Variants in ESYT1 observed in about 807,000 individuals in gnomAD.
ESYT1 encodes extended synaptotagmin 1.
In ESYT1, 116 loss-of-function variants were observed where a neutral mutation model predicts 154.2. That is an observed-to-expected ratio of 0.75 (90% confidence interval 0.65 to 0.88). The LOEUF (loss-of-function observed/expected upper bound fraction) is 0.88. ESYT1 is among the 40% of genes least tolerant of loss of function. ESYT1 has a pLI of 0.00. For synonymous variants in ESYT1, 500 were observed against 539.9 expected, an observed-to-expected ratio of 0.93 and a Z score of 1.02; for missense variants, 1,264 against 1,379.3, an observed-to-expected ratio of 0.92 and a Z score of 1.32.
rs1244232184 is a variant in ESYT1, at chr12:56,136,845, C to T, written c.1734C>T (p.Leu578=). ...TCATCCTGGACCAGTGGTTCCAGCT[C>T]AGCAGCTCTGGTCCAAACTCCAGAC... is the stretch of plus-strand genomic sequence containing the variant. ...PELILDQWFQ[L]SSSGPNSRLY... The change falls in exon 16 of 31, where the codon CTC becomes CTT. Residue 578 remains leucine, a synonymous_variant. Transcript: ENST00000394048. 9 of 1,612,540 alleles carry T rather than the reference C, an allele frequency of 5.6e-6. No individual in the cohort carries two copies. In the East Asian group the frequency reaches 6.7e-5, roughly 12 times the overall value.
At chr12:56,137,970 T>G in intron 19 of ESYT1, 56 bp downstream of exon 19, 1 of 1,610,318 alleles carries the variant, frequency 6.2e-7, no homozygotes, top group Non-Finnish European at 8.5e-7. Context: ...GGCCATGGAG[T>G]CTGGCCTCCT....
Position 56,142,222 on chromosome 12 carries a change from A to T in ESYT1, c.2593-63A>T. 1 of 1,585,180 alleles carries T rather than the reference A, an allele frequency of 6.3e-7. No homozygotes were observed. Among genetic ancestry groups the T allele is most frequent in the Non-Finnish European group, 8.6e-7 (1 of 1,161,518 alleles). On this transcript the variant is annotated intron_variant, in intron 24 of 30. Coordinates refer to ENST00000394048, the MANE Select transcript of ESYT1 (RefSeq NM_015292.3). The surrounding 1 kb of genome is among the most constrained non-coding windows in gnomAD (Gnocchi z 4.1). ...GAGTCCAAGCGTTTGGACCTTTAAAACACCAGGATTAACTCATTTGTTGAT... is the reference window on the plus strand; with the variant it reads ...GAGTCCAAGCGTTTGGACCTTTAAATCACCAGGATTAACTCATTTGTTGAT...
chr12:56,139,722 C>T (rs962365242), intron 24 of ESYT1, among the ~76,000 whole-genome samples: 1 of 151,380 alleles, frequency 6.6e-6, no homozygotes, highest in Non-Finnish European at 1.5e-5. Flanking sequence ...CAGCCTCCCG[C>T]GTACCTGGGA....
Position 56,137,329 on chromosome 12 carries a change from C to CTT in ESYT1, c.1894_1895insTT (p.Pro632LeufsTer24). 1 of 1,614,216 alleles carries CTT rather than the reference C, an allele frequency of 6.2e-7. No individual in the cohort carries two copies. The highest frequency in any genetic ancestry group is 1.3e-5 in the African/African-American group (1 of 75,036). On this transcript the variant is annotated frameshift_variant, in exon 17 of 31. Transcript: ENST00000394048. LOFTEE classifies it high-confidence loss of function. Reference sequence around the variant, plus strand: ...GAGAGGCAGCAGTGTGGATGCCCCACCTCGACCCTGTCACACGACTCCTGA... The same window carrying CTT: ...GAGAGGCAGCAGTGTGGATGCCCCACTTCTCGACCCTGTCACACGACTCCTGA...
chr12:56,143,995 C>A lies in ESYT1; in HGVS notation c.*133C>A, dbSNP rs540079044. ...CCCTTCAGCCCTTTCACCTAACAGG[C>A]CCATATTCGGGCCTTTGCCTGACCA... On this transcript the variant is annotated 3_prime_UTR_variant, in exon 31 of 31. Transcript: ENST00000394048. The A allele has an allele frequency of 8.3e-6, 13 of 1,559,120 alleles. No individual in the cohort carries two copies. The Admixed American group carries it at 1.7e-4, about 20-fold the overall frequency.
At position 56,133,472 on chromosome 12, in the gene ESYT1, T is replaced by C; in HGVS notation, c.1293+7T>C. On this transcript the variant is annotated splice_region_variant and intron_variant, in intron 11 of 30. Coordinates refer to ENST00000394048, the MANE Select transcript of ESYT1 (RefSeq NM_015292.3). ...GGCTAGCGTTCTGGATGATGTAAGT[T>C]GGGAGAAGAGGAAGGTGGGGGCTGA... is the stretch of plus-strand genomic sequence containing the variant. The C allele has an allele frequency of 6.2e-7, 1 of 1,614,180 alleles. No homozygotes were observed. The highest frequency in any genetic ancestry group is 1.3e-5 in the African/African-American group (1 of 75,054).
rs1870783696 is a variant in ESYT1 at position 56,143,150 on chromosome 12, T to C, written c.3119+2T>C. On this transcript the variant is annotated splice_donor_variant, in intron 28 of 30. Coordinates refer to ENST00000394048, the MANE Select transcript of ESYT1 (RefSeq NM_015292.3). LOFTEE classifies it high-confidence loss of function. ...CCTGAGTCCTGAATTTAATGAACGGTCAGTCAGTGGGCATTCAGGTGGAGA... is the reference window on the plus strand; with the variant it reads ...CCTGAGTCCTGAATTTAATGAACGGCCAGTCAGTGGGCATTCAGGTGGAGA... 4 of 1,613,784 alleles carry C rather than the reference T, an allele frequency of 2.5e-6. No homozygotes were observed. The highest frequency in any genetic ancestry group is 3.4e-6 in the Non-Finnish European group (4 of 1,179,852).
In ESYT1 at chr12:56,130,596, C is replaced by T. The variant is rs773095768; in HGVS notation, c.405C>T (p.Asp135=). 1.4e-5 allele frequency: 23 copies of T among 1,613,872 alleles called. No individual in the cohort carries two copies. Among genetic ancestry groups the T allele is most frequent in the Middle Eastern group, 1.7e-4 (1 of 5,916 alleles). The part of the protein sequence containing the change: ...RELPAWVSFP[D]VEKAEWLNKI... ...CCCACCTCCAGGTCAGCTTCCCAGA[C>T]GTGGAAAAGGCTGAATGGCTCAATA... The change falls in exon 2 of 31, where the codon GAC becomes GAT. Residue 135 remains aspartate, a synonymous_variant. Coordinates refer to ENST00000394048, the MANE Select transcript of ESYT1 (RefSeq NM_015292.3).
intron 15 of ESYT1, among the ~76,000 whole-genome samples, chr12:56,135,392 G>A (rs866064104): frequency 2.0e-5 from 3 of 150,696 alleles, no homozygotes; most frequent in South Asian, 2.1e-4. Context: ...GGCTGGTCTC[G>A]AACTCCCAAC....
At chr12:56,130,541 G>A in intron 1 of ESYT1, 41 bp from the exon 2 acceptor site, 2 of 1,612,600 alleles carry the variant, frequency 1.2e-6, no homozygotes, top group Non-Finnish European at 1.7e-6. Flanking sequence ...CAGAGGCGAG[G>A]GTGTGCTGCA....
chr12:56,132,354 A>G, intron 8 of ESYT1, 22 bp downstream of exon 8: 1 of 1,613,946 alleles, frequency 6.2e-7, no homozygotes, highest in Non-Finnish European at 8.5e-7. Context: ...CCCCCACTAG[A>G]TAGATCCTTC....
chr12:56,137,746 C>T, intron 18 of ESYT1, 71 bp downstream of exon 18: 1 of 1,610,562 alleles, frequency 6.2e-7, no homozygotes, highest in Non-Finnish European at 8.5e-7. Context: ...GGTCCAGAAA[C>T]CTCTGAGGTT....
Position 56,131,280 on chromosome 12 carries a change from G to C in ESYT1, c.678G>C (p.Lys226Asn). The C allele has an allele frequency of 3.1e-6, 5 of 1,614,200 alleles. No individual in the cohort carries two copies. The highest frequency in any genetic ancestry group is 4.2e-6 in the Non-Finnish European group (5 of 1,180,044). Residue 226 changes from lysine (K) to asparagine (N), a missense_variant, in exon 5 of 31, where the codon AAG becomes AAC. Coordinates refer to ENST00000394048, the MANE Select transcript of ESYT1 (RefSeq NM_015292.3). The part of the protein sequence containing the change: ...VGDVQIDVEV[K>N]KYFCKAGVKG... Reference sequence around the variant, plus strand: ...ATGTGCAGATTGATGTGGAAGTGAAGAAATATTTTTGCAAAGCAGGAGTCA... The same window carrying C: ...ATGTGCAGATTGATGTGGAAGTGAACAAATATTTTTGCAAAGCAGGAGTCA...
At chr12:56,129,904 G>C (rs1446024165) in intron 1 of ESYT1, among the ~76,000 whole-genome samples, 1 of 149,906 alleles carries the variant, frequency 6.7e-6, no homozygotes, top group East Asian at 1.9e-4. Context: ...AGTTGAGAAG[G>C]CTGGAAAAGG....
Position 56,132,767 on chromosome 12 carries a change from G to A in ESYT1, c.1210G>A (p.Asp404Asn), listed in dbSNP as rs763326606. ...PGQEIEVEVF[D>N]KDPDKDDFLG... is the part of the protein sequence containing the mutation. ...GCAGGAGATTGAAGTGGAGGTGTTC[G>A]ACAAGGATCCAGATAAAGATGACTT... Residue 404 changes from aspartate to asparagine, a missense_variant, in exon 10 of 31, where the codon GAC becomes AAC. By Grantham distance (23) the Asp-to-Asn change is conservative. Transcript: ENST00000394048. 1.1e-5 allele frequency: 17 copies of A among 1,614,014 alleles called. No individual in the cohort carries two copies. The highest frequency in any genetic ancestry group is 4.0e-5 in the African/African-American group (3 of 74,894).
In ESYT1 at chr12:56,131,236, A is replaced by G. The variant is rs368493821; in HGVS notation, c.642-8A>G. On this transcript the variant is annotated splice_polypyrimidine_tract_variant and splice_region_variant and intron_variant, in intron 4 of 30. Coordinates refer to ENST00000394048, the MANE Select transcript of ESYT1 (RefSeq NM_015292.3). ...ACTCTCTTGGTTCTCTTCTTCACCA[A>G]TCCCCAGCTATGTAGGTGATGTGCA... The G allele has an allele frequency of 3.1e-5, 50 of 1,614,008 alleles. No homozygotes were observed. The highest frequency in any genetic ancestry group is 4.2e-5 in the Non-Finnish European group (49 of 1,180,034).
Position 56,137,327 on chromosome 12 carries a change from C to T in ESYT1, c.1892C>T (p.Pro631Leu), listed in dbSNP as rs756744401. ...NPQRGSSVDA[P>L]PRPCHTTPDS... ...CAGAGAGGCAGCAGTGTGGATGCCC[C>T]ACCTCGACCCTGTCACACGACTCCT... Residue 631 changes from proline to leucine, a missense_variant, in exon 17 of 31, where the codon CCA becomes CTA. Coordinates refer to ENST00000394048, the MANE Select transcript of ESYT1 (RefSeq NM_015292.3). 3 of 1,614,194 alleles carry T rather than the reference C, an allele frequency of 1.9e-6. No individual in the cohort carries two copies. In the South Asian group the frequency reaches 3.3e-5, roughly 18 times the overall value.
Position 56,136,756 on chromosome 12 carries a change from T to C in ESYT1, c.1645T>C (p.Ser549Pro). The part of the protein sequence containing the change: ...QELDVQVKDD[S>P]RALTLGALTL... ...CCTGTGCCTGTAGGTGAAGGATGATTCCAGGGCCCTGACTTTAGGAGCACT... is the reference window on the plus strand; with the variant it reads ...CCTGTGCCTGTAGGTGAAGGATGATCCCAGGGCCCTGACTTTAGGAGCACT... The change falls in exon 16 of 31, where the codon TCC becomes CCC. Residue 549 changes from serine to proline, a missense_variant. Ser to Pro is a moderately conservative substitution (Grantham distance 74). Transcript: ENST00000394048. 6.2e-7 allele frequency: 1 copy of C among 1,608,996 alleles called. No homozygotes were observed. Among genetic ancestry groups the C allele is most frequent in the Non-Finnish European group, 8.5e-7 (1 of 1,176,774 alleles).
intron 3 of ESYT1, 49 bp from the exon 4 acceptor site, chr12:56,130,991 G>T (rs779938814): frequency 6.2e-6 from 10 of 1,614,146 alleles, no homozygotes; most frequent in Non-Finnish European, 5.9e-6. Flanking sequence ...AGTAGACTCA[G>T]GTACTTCTCC....
Sources: allele counts gnomAD v4.1 joint callset (sites outside exome capture counted in the v4.1 genomes callset), GRCh38; gene constraint gnomAD v4.1.1; non-coding constraint Gnocchi (gnomAD v3.1); transcripts MANE v1.5; gene names NCBI Gene and HGNC (gene_info 2026-07-23, HGNC 2026-07-21).